Variants in KIF6 observed in about 807,000 individuals in gnomAD.
The protein encoded by KIF6 is kinesin family member 6.
Under a neutral mutation model 112.7 loss-of-function variants are expected in KIF6, and 106 were observed. The observed-to-expected ratio is 0.94, with a 90% CI of 0.80 to 1.11. The LOEUF is 1.11. KIF6 is among the 50% of genes least tolerant of loss of function. KIF6 has a pLI of 0.00. For synonymous variants in KIF6, 339 were observed against 339.9 expected, an observed-to-expected ratio of 1.00 and a Z score of 0.03; for missense variants, 929 against 964.0, an observed-to-expected ratio of 0.96 and a Z score of 0.48.
intron 13 of KIF6, among the ~76,000 whole-genome samples, chr6:39,495,828 C>T (rs915839474): frequency 3.3e-5 from 5 of 152,042 alleles, no homozygotes; most frequent in Admixed American, 1.3e-4. Flanking sequence ...AAACAGCTTC[C>T]GGATGGGGGA....
Position 39,336,239 on chromosome 6 carries a change from A to G in KIF6, c.*293T>C, listed in dbSNP as rs912655948. ...ATAAAGATCTACACAAAACGTCACTACAACAGTGAGCTGAAGCCTTCACCC... is the reference window on the plus strand; with the variant it reads ...ATAAAGATCTACACAAAACGTCACTGCAACAGTGAGCTGAAGCCTTCACCC... On this transcript the variant is annotated 3_prime_UTR_variant, in exon 23 of 23. Coordinates refer to ENST00000287152, the MANE Select transcript of KIF6 (RefSeq NM_145027.6). 1 of 425,186 alleles carries G rather than the reference A, an allele frequency of 2.4e-6. No individual in the cohort carries two copies. The highest frequency in any genetic ancestry group is 4.2e-6 in the Non-Finnish European group (1 of 237,382). 26.3% of individuals were successfully genotyped at this position (425,186 alleles called of 1,614,324 possible). A position where few individuals can be genotyped will look rare whatever the true frequency, so the allele number is the denominator to read the frequency against.
At chr6:39,509,495 C>T (rs188297983) in intron 13 of KIF6, among the ~76,000 whole-genome samples, 1 of 152,254 alleles carries the variant, frequency 6.6e-6, no homozygotes, top group Admixed American at 6.5e-5. Context: ...AAAGGTTAGA[C>T]AAATGGCTAA....
chr6:39,452,561 T>G (rs1192083331), intron 13 of KIF6, among the ~76,000 whole-genome samples: 2 of 152,204 alleles, frequency 1.3e-5, no homozygotes, highest in Non-Finnish European at 2.9e-5. Flanking sequence ...TCTGAACTTG[T>G]AATTATGAGT....
At position 39,544,555 on chromosome 6, in the gene KIF6, T is replaced by C; in HGVS notation, c.1426A>G (p.Asn476Asp). The C allele has an allele frequency of 6.2e-7, 1 of 1,611,618 alleles. No homozygotes were observed. Among genetic ancestry groups the C allele is most frequent in the Non-Finnish European group, 8.5e-7 (1 of 1,179,204 alleles). The change falls in exon 12 of 23, where the codon AAT becomes GAT. Residue 476 changes from asparagine (N) to aspartate (D), a missense_variant and splice_region_variant. Physicochemically the swap from Asn to Asp is conservative, Grantham distance 23. Coordinates refer to ENST00000287152, the MANE Select transcript of KIF6 (RefSeq NM_145027.6). ...DILKQRDNEINILVNMLKKEK... is the reference protein window; with the variant it reads ...DILKQRDNEIDILVNMLKKEK... ...TTCTTCATCACTTCAGAAAGGATAC[T>C]GATTTCGTTATCTCTCTGTTTCAGA...
chr6:39,572,535 C>A (rs7776167), intron 10 of KIF6, among the ~76,000 whole-genome samples: 3,269 of 151,642 alleles, frequency 0.022, 110 homozygotes, highest in African/African-American at 0.075. Context: ...CACTTTGGGG[C>A]AAGAGTTAAT....
intron 13 of KIF6, among the ~76,000 whole-genome samples, chr6:39,488,165 G>A (rs1775246057): frequency 6.6e-6 from 1 of 152,042 alleles, no homozygotes; most frequent in South Asian, 2.1e-4. Flanking sequence ...CCAATGAGTC[G>A]ACACTTAGTT....
rs143789317 is a variant in KIF6, at chr6:39,510,176, C to A, written c.1645+29827G>T. The stretch of plus-strand genomic sequence containing the variant: ...CGGCATGATCTTGGCTCACTGCAAG[C>A]TCCGCCTTCCGGGTTCATGCCATTC... On this transcript the variant is annotated intron_variant, in intron 13 of 22. Coordinates refer to ENST00000287152, the MANE Select transcript of KIF6 (RefSeq NM_145027.6). Among the ~76,000 whole-genome samples, 1,319 of 150,908 alleles carry A rather than the reference C, an allele frequency of 8.7e-3. 20 individuals carry two copies. The highest frequency in any genetic ancestry group is 0.031 in the African/African-American group (1,261 of 40,970).
chr6:39,590,727 A>G (rs1394311499), intron 7 of KIF6, among the ~76,000 whole-genome samples: 3 of 152,188 alleles, frequency 2.0e-5, no homozygotes, highest in Non-Finnish European at 4.4e-5. Context: ...CTGGGATTAC[A>G]GGCATCAGCC....
At position 39,336,316 on chromosome 6, in the gene KIF6, C is replaced by T. The variant is rs1762909594; in HGVS notation, c.*216G>A. 4 of 567,666 alleles carry T rather than the reference C, an allele frequency of 7.0e-6. No individual in the cohort carries two copies. Among genetic ancestry groups the T allele is most frequent in the South Asian group, 6.3e-5 (3 of 47,460 alleles). The allele number at this position is 567,666 out of a possible 1,614,324, so 35.2% of individuals were successfully genotyped here. On this transcript the variant is annotated 3_prime_UTR_variant, in exon 23 of 23. Coordinates refer to ENST00000287152, the MANE Select transcript of KIF6 (RefSeq NM_145027.6). ...GCCCTGCCAGCAGCTCCAGCAACCA[C>T]AGGAAGGATGTTGTGGTCAGCCCCA...
intron 13 of KIF6, among the ~76,000 whole-genome samples, chr6:39,432,267 C>T (rs1285403075): frequency 6.6e-6 from 1 of 152,156 alleles, no homozygotes; most frequent in African/African-American, 2.4e-5. Flanking sequence ...GCTCAGCATA[C>T]ATCTGTTAAA....
chr6:39,536,357 ATG>A (rs1778424840), intron 13 of KIF6, among the ~76,000 whole-genome samples: 1 of 152,202 alleles, frequency 6.6e-6, no homozygotes, highest in Admixed American at 6.5e-5. Flanking sequence ...AATCAAATAG[ATG>A]CAATAAAAAA....
intron 3 of KIF6, among the ~76,000 whole-genome samples, chr6:39,689,796 T>C (rs781649377): frequency 6.6e-6 from 1 of 152,068 alleles, no homozygotes; most frequent in Non-Finnish European, 1.5e-5. Context: ...GTAGAGACCA[T>C]GTCTTGCTAT....
chr6:39,461,337 G>A (rs1414647753), intron 13 of KIF6, among the ~76,000 whole-genome samples: 2 of 152,156 alleles, frequency 1.3e-5, no homozygotes, highest in Non-Finnish European at 2.9e-5. Flanking sequence ...CAATACAAGT[G>A]AGGTGGACCC....
chr6:39,420,091 A>G (rs1324800439), intron 14 of KIF6, 88 bp from the exon 15 acceptor site: 2 of 871,530 alleles, frequency 2.3e-6, no homozygotes, highest in Admixed American at 4.5e-5. Context: ...GGTCACTAAA[A>G]TATGATGAAA....
At position 39,331,266 on chromosome 6, in the gene KIF6, C is replaced by T. The variant is rs929227127; in HGVS notation, c.*5266G>A. 16 of 152,298 alleles carry T rather than the reference C, an allele frequency of 1.1e-4. No homozygotes were observed. Among genetic ancestry groups the T allele is most frequent in the African/African-American group, 3.4e-4 (14 of 41,434 alleles). 9.4% of individuals were successfully genotyped at this position (152,298 alleles called of 1,614,324 possible). Reference sequence around the variant, plus strand: ...CACTGCAGCCTTAACCTCCTGGGTTCAAGGATCCTCCCACCTCAGCCTCCC... The same window carrying T: ...CACTGCAGCCTTAACCTCCTGGGTTTAAGGATCCTCCCACCTCAGCCTCCC... On this transcript the variant is annotated 3_prime_UTR_variant, in exon 23 of 23. Transcript: ENST00000287152.
At chr6:39,472,902 C>T (rs1044110462) in intron 13 of KIF6, among the ~76,000 whole-genome samples, 14 of 80,106 alleles carry the variant, frequency 1.7e-4, no homozygotes, top group African/African-American at 8.7e-4. Flanking sequence ...CTCTTGCTGC[C>T]CAGGCTGGAG....
At position 39,596,259 on chromosome 6, in the gene KIF6, G is replaced by A. The variant is rs1424911348; in HGVS notation, c.641C>T (p.Thr214Ile). 5 of 1,606,190 alleles carry A rather than the reference G, an allele frequency of 3.1e-6. No individual in the cohort carries two copies. The highest frequency in any genetic ancestry group is 4.3e-6 in the Non-Finnish European group (5 of 1,176,374). The change falls in exon 7 of 23, where the codon ACT becomes ATT. Residue 214 changes from threonine to isoleucine, a missense_variant and splice_region_variant. Physicochemically the swap from Thr to Ile is moderately conservative, Grantham distance 89. Around this residue, in one of 2 missense-constraint regions of KIF6, gnomAD observed 688 missense variants for 662.7 expected, o/e 1.04. Transcript: ENST00000287152. Reference sequence around the variant, plus strand: ...ACGGGTTGAAGCTTGGTTCATAGGAGTCTATAAAAAAATTGCAAAACAAAA... The same window carrying A: ...ACGGGTTGAAGCTTGGTTCATAGGAATCTATAAAAAAATTGCAAAACAAAA... ...LGDTNRMIAE[T>I]PMNQASTRSH...
intron 13 of KIF6, among the ~76,000 whole-genome samples, chr6:39,496,083 C>A (rs1282894245): frequency 2.0e-5 from 3 of 152,214 alleles, no homozygotes; most frequent in Non-Finnish European, 4.4e-5. Context: ...AAGCTGCCAG[C>A]CTGTTTTTCT....
At chr6:39,556,836 T>C (rs1484035809) in intron 10 of KIF6, among the ~76,000 whole-genome samples, 1 of 152,010 alleles carries the variant, frequency 6.6e-6, no homozygotes, top group African/African-American at 2.4e-5. Flanking sequence ...AACTAGGGAG[T>C]TTCCTGACAG....
Sources: gnomAD v4.1 joint callset for allele counts (sites outside exome capture counted in the v4.1 genomes callset) on GRCh38, gnomAD v4.1.1 for gene constraint, gnomAD v4.1.1 regional missense constraint, MANE v1.5 for transcripts, NCBI Gene and HGNC (gene_info 2026-07-23, HGNC 2026-07-21) for gene names.